GRM5: variants seen among roughly 807,000 people sequenced by gnomAD.
The protein encoded by GRM5 is glutamate metabotropic receptor 5.
GRM5 carries 19 observed loss-of-function variants against 83.1 expected under a neutral mutation model. That is an observed-to-expected ratio of 0.23 (90% CI 0.16 to 0.34). GRM5 has a LOEUF of 0.34. GRM5 is among the 10% of genes least tolerant of loss of function. The pLI is 1.00. For missense variants in GRM5, 1,160 were observed against 1,588.3 expected (o/e 0.73, Z 4.58); for synonymous variants, 675 against 633.6 (o/e 1.07, Z -0.98).
chr11:88,757,077 A>G (rs141806594), intron 3 of GRM5, among the ~76,000 whole-genome samples: 1,672 of 152,294 alleles, frequency 0.011, 34 homozygotes, highest in African/African-American at 0.038. Context: ...GGTCCTCAAA[A>G]ATAATATGAA....
intron 8 of GRM5, among the ~76,000 whole-genome samples, chr11:88,556,329 T>C (rs1017073542): frequency 1.0e-4 from 13 of 129,756 alleles, no homozygotes; most frequent in South Asian, 7.0e-4. Context: ...CTTTTCTTTT[T>C]TTTTTTTTTT....
At chr11:88,752,057 C>A (rs1942284091) in intron 3 of GRM5, among the ~76,000 whole-genome samples, 1 of 152,138 alleles carries the variant, frequency 6.6e-6, no homozygotes, top group Non-Finnish European at 1.5e-5. Flanking sequence ...CAATGATGCC[C>A]TCTCTCACAC....
chr11:88,754,994 CA>C (rs67579197), intron 3 of GRM5, among the ~76,000 whole-genome samples: 32,767 of 151,988 alleles, frequency 0.22, 4,690 homozygotes, highest in Non-Finnish European at 0.32. Context: ...TCCTCATATG[CA>C]AAACAGAGAT....
At chr11:88,926,181 A>T (rs994111340) in intron 2 of GRM5, among the ~76,000 whole-genome samples, 6 of 152,168 alleles carry the variant, frequency 3.9e-5, no homozygotes, top group Non-Finnish European at 8.8e-5. Flanking sequence ...CTTACAGATA[A>T]GGTCACAAGC....
At chr11:88,840,324 T>C (rs975692256) in intron 3 of GRM5, among the ~76,000 whole-genome samples, 2 of 152,190 alleles carry the variant, frequency 1.3e-5, no homozygotes, top group Non-Finnish European at 2.9e-5. Flanking sequence ...TTGCTTTCTG[T>C]TACTACTTCT....
At chr11:88,807,348 A>T (rs181750819) in intron 3 of GRM5, among the ~76,000 whole-genome samples, 1 of 152,064 alleles carries the variant, frequency 6.6e-6, no homozygotes, top group Non-Finnish European at 1.5e-5. Context: ...ACTAGACTCA[A>T]CTCTGTCCCT....
At chr11:88,557,188 T>C (rs1942650287) in intron 8 of GRM5, among the ~76,000 whole-genome samples, 1 of 152,152 alleles carries the variant, frequency 6.6e-6, no homozygotes, top group South Asian at 2.1e-4. Flanking sequence ...AATTTTTCTT[T>C]ATATGTGGAT....
chr11:88,657,615 C>T (rs1939795597), intron 3 of GRM5, among the ~76,000 whole-genome samples: 1 of 152,096 alleles, frequency 6.6e-6, no homozygotes, highest in Admixed American at 6.6e-5. Context: ...CTACTCTTCC[C>T]CTTTCTCCTT....
chr11:88,877,631 G>C (rs1287324783), intron 2 of GRM5, among the ~76,000 whole-genome samples: 2 of 151,786 alleles, frequency 1.3e-5, no homozygotes, highest in Non-Finnish European at 2.9e-5. Flanking sequence ...GACCAGCCTG[G>C]GCAACATGGC....
chr11:88,870,190 T>C (rs750965187), intron 2 of GRM5, among the ~76,000 whole-genome samples: 3 of 151,456 alleles, frequency 2.0e-5, no homozygotes, highest in African/African-American at 7.3e-5. Context: ...TAGATTTTTC[T>C]GAATCATAGG....
chr11:88,539,994 T>C (rs1942227760), intron 8 of GRM5, among the ~76,000 whole-genome samples: 1 of 152,226 alleles, frequency 6.6e-6, no homozygotes, highest in Non-Finnish European at 1.5e-5. Context: ...TGGGCACGTC[T>C]GTTCTTTTAA....
At chr11:88,945,117 C>CACACACACACAT (rs1198183401) in intron 2 of GRM5, among the ~76,000 whole-genome samples, 1 of 132,044 alleles carries the variant, frequency 7.6e-6, no homozygotes, top group Non-Finnish European at 1.7e-5. Context: ...TTACAATAGA[C>CACACACACACAT]ACACACACAC....
At chr11:88,995,558 A>AG (rs1309551930) in intron 2 of GRM5, among the ~76,000 whole-genome samples, 1 of 150,542 alleles carries the variant, frequency 6.6e-6, no homozygotes, top group Non-Finnish European at 1.5e-5. Context: ...AAAAAAAAAA[A>AG]AAAAAAAAAA....
At chr11:88,885,220 C>G (rs78220849) in intron 2 of GRM5, among the ~76,000 whole-genome samples, 16,469 of 151,672 alleles carry the variant, frequency 0.11, 1,447 homozygotes, top group African/African-American at 0.22. Context: ...CTTCCATCTA[C>G]TGAACCACAA....
chr11:88,593,770 C>T (rs1937715057), intron 6 of GRM5, among the ~76,000 whole-genome samples: 1 of 93,970 alleles, frequency 1.1e-5, no homozygotes, highest in South Asian at 7.0e-4. Flanking sequence ...CCTTCTCTCT[C>T]TCTCTCTCTC....
At chr11:88,894,597 T>C (rs1166329594) in intron 2 of GRM5, among the ~76,000 whole-genome samples, 1 of 152,048 alleles carries the variant, frequency 6.6e-6, no homozygotes, top group Non-Finnish European at 1.5e-5. Flanking sequence ...AGAACTTTTT[T>C]CTGGCTGTGT....
At chr11:88,649,676 GAA>G (rs1397167343) in intron 4 of GRM5, among the ~76,000 whole-genome samples, 1 of 150,854 alleles carries the variant, frequency 6.6e-6, no homozygotes, top group Non-Finnish European at 1.5e-5. Context: ...GCAAACAAAA[GAA>G]AACCTGCCAA....
intron 3 of GRM5, among the ~76,000 whole-genome samples, chr11:88,729,072 G>T (rs1941746049): frequency 6.6e-6 from 1 of 152,164 alleles, no homozygotes; most frequent in Non-Finnish European, 1.5e-5. Flanking sequence ...AGGTAGAGAG[G>T]AAGTAAAATT....
chr11:88,693,886 G>A (rs946911274), intron 3 of GRM5, among the ~76,000 whole-genome samples: 9 of 152,200 alleles, frequency 5.9e-5, no homozygotes, highest in South Asian at 2.1e-4. Context: ...AATGGTGAGA[G>A]GGAAGGAAGG....
Sources: allele counts gnomAD v4.1 joint callset (sites outside exome capture counted in the v4.1 genomes callset), GRCh38; gene constraint gnomAD v4.1.1; transcripts MANE v1.5; gene names NCBI Gene and HGNC (gene_info 2026-07-23, HGNC 2026-07-21).